Variants in RPLP0 observed in about 807,000 individuals in gnomAD.
RPLP0 encodes the protein large ribosomal subunit protein uL10.
For missense variants in RPLP0, 276 were observed against 402.9 expected (o/e 0.69, Z 2.70); for synonymous variants, 137 against 153.4 (o/e 0.89, Z 0.79).
At position 120,198,379 on chromosome 12, in the gene RPLP0, C is replaced by T; in HGVS notation, c.651+175G>A. On this transcript the variant is annotated intron_variant, in intron 6 of 7. Coordinates refer to ENST00000392514, the MANE Select transcript of RPLP0 (RefSeq NM_001002.4). This position sits in a 1 kb window ranked among gnomAD's most constrained non-coding sequence, Gnocchi z 4.1. The stretch of plus-strand genomic sequence containing the variant: ...CCAGCCTGGGCGACACAGCAAGACT[C>T]TGTCTCCAAAAAAAAAAAAAAAAAA... 5 of 667,556 alleles carry T rather than the reference C, an allele frequency of 7.5e-6. 1 individual carries two copies. The highest frequency in any genetic ancestry group is 1.2e-5 in the Non-Finnish European group (5 of 410,886). 41.4% of individuals were successfully genotyped at this position (667,556 alleles called of 1,614,324 possible). A position where few individuals can be genotyped will look rare whatever the true frequency, so the allele number is the denominator to read the frequency against.
rs779795666 is a variant in RPLP0 at position 120,197,306 on chromosome 12, G to C, written c.792+16C>G. ...TCACAGTCAGGCCCACTGTGGTCCT[G>C]GTGGGATCCTTTTACCTTTTCAGCA... On this transcript the variant is annotated intron_variant, in intron 7 of 7. Coordinates refer to ENST00000392514, the MANE Select transcript of RPLP0 (RefSeq NM_001002.4). The C allele has an allele frequency of 2.5e-6, 4 of 1,611,744 alleles. No homozygotes were observed. Among genetic ancestry groups the C allele is most frequent in the Middle Eastern group, 1.7e-4 (1 of 5,936 alleles).
rs147240912 is a variant in RPLP0, at chr12:120,197,293, C to A, written c.792+29G>T. On this transcript the variant is annotated intron_variant, in intron 7 of 7. Coordinates refer to ENST00000392514, the MANE Select transcript of RPLP0 (RefSeq NM_001002.4). Reference sequence around the variant, plus strand: ...CCCTGCTAATTTGTCACAGTCAGGCCCACTGTGGTCCTGGTGGGATCCTTT... The same window carrying A: ...CCCTGCTAATTTGTCACAGTCAGGCACACTGTGGTCCTGGTGGGATCCTTT... 3.7e-6 allele frequency: 6 copies of A among 1,605,872 alleles called. No homozygotes were observed. The African/African-American group carries it at 8.0e-5, about 21-fold the overall frequency.
intron 7 of RPLP0, 57 bp downstream of exon 7, chr12:120,197,265 T>A: frequency 1.3e-6 from 2 of 1,501,528 alleles, no homozygotes; most frequent in Non-Finnish European, 1.9e-6. Context: ...GAAGGCCACA[T>A]CACCCTGCTA....
In RPLP0 at chr12:120,200,692, G is replaced by A. The variant is rs763663208; in HGVS notation, c.54+38C>T. The A allele has an allele frequency of 4.6e-5, 74 of 1,595,418 alleles. 1 individual carries two copies. The East Asian group carries it at 1.6e-3, about 35-fold the overall frequency. ...GCTGACTGTCCCTATTTGCGCTGGG[G>A]CAACATGAAGAGCAGAGGCGACCCA... On this transcript the variant is annotated intron_variant, in intron 2 of 7. Coordinates refer to ENST00000392514, the MANE Select transcript of RPLP0 (RefSeq NM_001002.4).
In RPLP0 at chr12:120,200,767, C is replaced by G. The variant is rs986455750; in HGVS notation, c.17G>C (p.Arg6Thr). 6.2e-7 allele frequency: 1 copy of G among 1,611,450 alleles called. No individual in the cohort carries two copies. The highest frequency in any genetic ancestry group is 8.5e-7 in the Non-Finnish European group (1 of 1,179,456). Residue 6 changes from arginine (R) to threonine (T), a missense_variant, in exon 2 of 8, where the codon AGG becomes ACG. By Grantham distance (71) the Arg-to-Thr change is moderately conservative. Coordinates refer to ENST00000392514, the MANE Select transcript of RPLP0 (RefSeq NM_001002.4). MPRED[R>T]ATWKSNYFLK... ...GAAGTAGTTGGACTTCCAGGTCGCC[C>G]TGTCTTCCCTGGGCATCACGGCGGT...
Position 120,198,228 on chromosome 12 carries a change from CA to C in RPLP0, c.651+325del. On this transcript the variant is annotated intron_variant, in intron 6 of 7. Transcript: ENST00000392514. This position sits in a 1 kb window ranked among gnomAD's most constrained non-coding sequence, Gnocchi z 4.1. Reference sequence around the variant, plus strand: ...GCTAACGCGGTGAAACCTAAAAATACAAAAAAATTAGCCGGGCGTAGTGGCG... The same window carrying C: ...GCTAACGCGGTGAAACCTAAAAATACAAAAAATTAGCCGGGCGTAGTGGCG... 1.4e-5 allele frequency: 4 copies of C among 291,842 alleles called. No homozygotes were observed. Among genetic ancestry groups the C allele is most frequent in the South Asian group, 6.9e-5 (2 of 29,034 alleles). 18.1% of individuals were successfully genotyped at this position (291,842 alleles called of 1,614,324 possible). A position where few individuals can be genotyped will look rare whatever the true frequency, so the allele number is the denominator to read the frequency against.
chr12:120,197,371 A>C lies in RPLP0; in HGVS notation c.743T>G (p.Val248Gly). Residue 248 changes from valine to glycine, a missense_variant, in exon 7 of 8, where the codon GTC becomes GGC. Physicochemically the swap from Val to Gly is moderately radical, Grantham distance 109. Coordinates refer to ENST00000392514, the MANE Select transcript of RPLP0 (RefSeq NM_001002.4). ...PHSIINGYKR[V>G]LALSVETDYT... The stretch of plus-strand genomic sequence containing the variant: ...ATCCGTCTCCACAGACAAGGCCAGG[A>C]CTCGTTTGTACCCGTTGATGATAGA... The C allele has an allele frequency of 6.2e-7, 1 of 1,613,694 alleles. No homozygotes were observed. The highest frequency in any genetic ancestry group is 8.5e-7 in the Non-Finnish European group (1 of 1,179,702).
At chr12:120,200,078 A>G (rs1028634062) in intron 2 of RPLP0, 2 of 455,996 alleles carry the variant, frequency 4.4e-6, no homozygotes, top group African/African-American at 4.0e-5. Context: ...TTGGACACTT[A>G]AGTTTCTTGG....
At chr12:120,200,105 A>G in intron 2 of RPLP0, 1 of 456,092 alleles carries the variant, frequency 2.2e-6, no homozygotes, top group Non-Finnish European at 4.4e-6. Context: ...GGTCCTAAAT[A>G]TGCAACAGCT....
intron 4 of RPLP0, 40 bp downstream of exon 4, chr12:120,199,078 A>T: frequency 1.2e-6 from 2 of 1,610,966 alleles, no homozygotes; most frequent in Admixed American, 3.3e-5. Flanking sequence ...TTTAAGGAGC[A>T]ACAACAAAGT....
At chr12:120,200,882 G>C in intron 1 of RPLP0, 51 bp from the exon 2 acceptor site, 1 of 1,518,604 alleles carries the variant, frequency 6.6e-7, no homozygotes, top group East Asian at 2.5e-5. Context: ...CCCATCCCGC[G>C]GTCCCGGGCC....
chr12:120,199,048 C>T, intron 4 of RPLP0, 48 bp from the exon 5 acceptor site: 1 of 1,612,878 alleles, frequency 6.2e-7, no homozygotes, highest in Non-Finnish European at 8.5e-7. Flanking sequence ...CTCACACAAC[C>T]TGAGAATGGT....
chr12:120,197,571 C>T, intron 6 of RPLP0, 109 bp from the exon 7 acceptor site: 13 of 1,336,444 alleles, frequency 9.7e-6, no homozygotes, highest in South Asian at 1.3e-5. Flanking sequence ...AGGTTGGCAG[C>T]TCAGTCTCAA....
At chr12:120,199,523 A>G in intron 2 of RPLP0, 38 bp from the exon 3 acceptor site, 1 of 1,592,850 alleles carries the variant, frequency 6.3e-7, no homozygotes. Flanking sequence ...GTTTAACAGG[A>G]AGAGAGAGGG....
At chr12:120,200,290 C>G in intron 2 of RPLP0, 1 of 344,584 alleles carries the variant, frequency 2.9e-6, no homozygotes. Context: ...TGGTGAATCC[C>G]TGTCTCTATT....
rs1352769521 is a variant in RPLP0, at chr12:120,198,462, GA to G, written c.651+91del. The G allele has an allele frequency of 7.3e-7, 1 of 1,372,076 alleles. No individual in the cohort carries two copies. The highest frequency in any genetic ancestry group is 1.0e-6 in the Non-Finnish European group (1 of 969,684). The allele number at this position is 1,372,076 out of a possible 1,614,324, so 85.0% of individuals were successfully genotyped here. Reference sequence around the variant, plus strand: ...TTACAGATGAGGTAGGTAGACAGATGAAAACACAGTCCTTGGTTACAGGGAC... The same window carrying G: ...TTACAGATGAGGTAGGTAGACAGATGAAACACAGTCCTTGGTTACAGGGAC... On this transcript the variant is annotated intron_variant, in intron 6 of 7. Coordinates refer to ENST00000392514, the MANE Select transcript of RPLP0 (RefSeq NM_001002.4). This position sits in a 1 kb window ranked among gnomAD's most constrained non-coding sequence, Gnocchi z 4.1.
rs1422365442 is a variant in RPLP0, at chr12:120,198,331, C to A, written c.651+223G>T. 1 of 518,716 alleles carries A rather than the reference C, an allele frequency of 1.9e-6. No individual in the cohort carries two copies. Among genetic ancestry groups the A allele is most frequent in the East Asian group, 3.5e-5 (1 of 28,880 alleles). 32.1% of individuals were successfully genotyped at this position (518,716 alleles called of 1,614,324 possible). ...ACCCGGAGGCGGAGCTTGCAGTGAG[C>A]CGGGAGATTGTGCCACTGCACTCCA... On this transcript the variant is annotated intron_variant, in intron 6 of 7. Transcript: ENST00000392514. This position sits in a 1 kb window ranked among gnomAD's most constrained non-coding sequence, Gnocchi z 4.1.
At chr12:120,199,576 C>T (rs1040613340) in intron 2 of RPLP0, 91 bp from the exon 3 acceptor site, 65 of 1,326,540 alleles carry the variant, frequency 4.9e-5, no homozygotes, top group East Asian at 2.0e-4. Context: ...TTGTTTCCAT[C>T]CCACTCCCTT....
Position 120,198,241 on chromosome 12 carries a change from C to T in RPLP0, c.651+313G>A, listed in dbSNP as rs552476066. 1.7e-3 allele frequency: 511 copies of T among 298,938 alleles called. 1 individual carries two copies. The highest frequency in any genetic ancestry group is 0.01 in the African/African-American group (477 of 45,758). The allele number at this position is 298,938 out of a possible 1,614,324, so 18.5% of individuals were successfully genotyped here. On this transcript the variant is annotated intron_variant, in intron 6 of 7. Coordinates refer to ENST00000392514, the MANE Select transcript of RPLP0 (RefSeq NM_001002.4). The surrounding 1 kb of genome is among the most constrained non-coding windows in gnomAD (Gnocchi z 4.1). ...AACCTAAAAATACAAAAAAATTAGC[C>T]GGGCGTAGTGGCGGGTGCCTGTAGT...
Sources: gnomAD v4.1 joint callset for allele counts on GRCh38, gnomAD v4.1.1 for gene constraint, Gnocchi (gnomAD v3.1) non-coding constraint, MANE v1.5 for transcripts, NCBI Gene and HGNC (gene_info 2026-07-23, HGNC 2026-07-21) for gene names.